Variants in WNK2 observed in about 807,000 individuals in gnomAD.
WNK2 encodes serine/threonine-protein kinase WNK2.
Under a neutral mutation model 192.1 loss-of-function variants are expected in WNK2, and 67 were observed. The ratio of observed to expected loss-of-function variants is 0.35; its 90% CI spans 0.29 to 0.43. The LOEUF (loss-of-function observed/expected upper bound fraction) is 0.43. WNK2 is among the 20% of genes least tolerant of loss of function. The probability of loss-of-function intolerance (pLI) is 1.00; values close to 1 mark genes in which losing one functional copy is unlikely to be tolerated. For synonymous variants in WNK2, 1,439 were observed against 1,393.9 expected (o/e 1.03, Z -0.72); for missense variants, 2,698 against 3,089.7 (o/e 0.87, Z 3.01).
chr9:93,259,335 T>A lies in WNK2; in HGVS notation c.2787T>A (p.His929Gln). The change falls in exon 12 of 30, where the codon CAT becomes CAA. Residue 929 changes from histidine to glutamine, a missense_variant. Physicochemically the swap from His to Gln is conservative, Grantham distance 24 (BLOSUM62 0). This residue lies in a region of WNK2 where 893 missense variants were observed against 909.0 expected (regional missense o/e 0.98). Coordinates refer to ENST00000427277, the MANE Select transcript of WNK2 (RefSeq NM_006648.4). This position sits in a 1 kb window ranked among gnomAD's most constrained non-coding sequence, Gnocchi z 4.8. ...MAPTDVPPSP[H>Q]HTVQNMRATP... ...CTACTGACGTCCCTCCTTCCCCCCA[T>A]CACACGGTGCAGAATATGAGGGCCA... 6.2e-7 allele frequency: 1 copy of A among 1,605,152 alleles called. No homozygotes were observed. The highest frequency in any genetic ancestry group is 1.1e-5 in the South Asian group (1 of 90,654).
chr9:93,273,952 T>G (rs1171328916), intron 19 of WNK2, among the ~76,000 whole-genome samples: 2 of 152,138 alleles, frequency 1.3e-5, no homozygotes, highest in Admixed American at 1.3e-4. Context: ...GTTAAAGCAG[T>G]ACTTAGAGGG....
chr9:93,290,067 C>A lies in WNK2; in HGVS notation c.4936+20C>A, dbSNP rs1201479991. On this transcript the variant is annotated intron_variant, in intron 21 of 29. Coordinates refer to ENST00000427277, the MANE Select transcript of WNK2 (RefSeq NM_006648.4). Reference sequence around the variant, plus strand: ...TGACAGGTAACAGCTTCCTGCTGAACCCTGCGTTCACAAGGTGCTGCCTGG... The same window carrying A: ...TGACAGGTAACAGCTTCCTGCTGAAACCTGCGTTCACAAGGTGCTGCCTGG... 1 of 1,554,744 alleles carries A rather than the reference C, an allele frequency of 6.4e-7. No individual in the cohort carries two copies. Among genetic ancestry groups the A allele is most frequent in the Admixed American group, 1.9e-5 (1 of 51,730 alleles).
At chr9:93,243,702 G>A (rs1468487079) in intron 7 of WNK2, among the ~76,000 whole-genome samples, 1 of 152,202 alleles carries the variant, frequency 6.6e-6, no homozygotes, top group East Asian at 1.9e-4. Flanking sequence ...GCCCCGGCAG[G>A]TTGACGCTGG....
intron 2 of WNK2, among the ~76,000 whole-genome samples, chr9:93,194,023 A>G (rs1396467343): frequency 6.6e-6 from 1 of 152,224 alleles, no homozygotes; most frequent in Non-Finnish European, 1.5e-5. Flanking sequence ...CATCTTTTCA[A>G]CAAATGGCGC....
intron 2 of WNK2, among the ~76,000 whole-genome samples, chr9:93,185,895 G>A (rs1242313888): frequency 6.6e-6 from 1 of 152,238 alleles, no homozygotes; most frequent in Non-Finnish European, 1.5e-5. Context: ...TGGGCGTAGA[G>A]AGGGTCCTGG....
chr9:93,285,234 A>C (rs1048716078), intron 19 of WNK2, among the ~76,000 whole-genome samples: 2 of 152,196 alleles, frequency 1.3e-5, no homozygotes, highest in African/African-American at 4.8e-5. Context: ...TAACACTATA[A>C]TTTTATCATT....
chr9:93,265,110 A>C (rs571953359), intron 16 of WNK2, among the ~76,000 whole-genome samples: 26 of 152,348 alleles, frequency 1.7e-4, no homozygotes, highest in Middle Eastern at 6.8e-3. Flanking sequence ...CCAGAGCATA[A>C]TCCCCCGCAG....
intron 18 of WNK2, 84 bp downstream of exon 18, chr9:93,268,149 T>A: frequency 6.6e-7 from 1 of 1,524,250 alleles, no homozygotes; most frequent in South Asian, 1.2e-5. Context: ...GTTTGGCCAT[T>A]GCTTGGGGGG....
intron 5 of WNK2, among the ~76,000 whole-genome samples, chr9:93,236,795 GT>G (rs1357555846): frequency 6.6e-6 from 1 of 152,274 alleles, no homozygotes; most frequent in Non-Finnish European, 1.5e-5. Context: ...CAAGGAGGAG[GT>G]GTGGGGAGGA....
intron 21 of WNK2, among the ~76,000 whole-genome samples, chr9:93,292,000 C>T (rs1242716001): frequency 6.6e-6 from 1 of 152,230 alleles, no homozygotes; most frequent in Non-Finnish European, 1.5e-5. Flanking sequence ...CCTTCAGGTG[C>T]TCAGAGAAGG....
At chr9:93,278,326 G>A (rs1369904971) in intron 19 of WNK2, among the ~76,000 whole-genome samples, 10 of 152,130 alleles carry the variant, frequency 6.6e-5, no homozygotes, top group Admixed American at 3.9e-4. Flanking sequence ...GGATGATTTC[G>A]CAGAGCACTG....
chr9:93,257,203 A>T lies in WNK2; in HGVS notation c.2382+64A>T. ...CGCTTTGCCAGGCCCTGGCTGGTGC[A>T]CTAGGACACCCACAGAGGGGGTTGT... On this transcript the variant is annotated intron_variant, in intron 11 of 29. Coordinates refer to ENST00000427277, the MANE Select transcript of WNK2 (RefSeq NM_006648.4). This position sits in a 1 kb window ranked among gnomAD's most constrained non-coding sequence, Gnocchi z 4.7. 6.6e-7 allele frequency: 1 copy of T among 1,522,504 alleles called. No homozygotes were observed. The highest frequency in any genetic ancestry group is 8.8e-7 in the Non-Finnish European group (1 of 1,130,422). 94.3% of individuals were successfully genotyped at this position (1,522,504 alleles called of 1,614,324 possible).
At chr9:93,232,381 G>A (rs562603463) in intron 4 of WNK2, among the ~76,000 whole-genome samples, 72 of 152,114 alleles carry the variant, frequency 4.7e-4, no homozygotes, top group African/African-American at 1.6e-3. Context: ...TGGGTATATA[G>A]GTGAGGGTCT....
At chr9:93,319,358 G>C in intron 29 of WNK2, 1 of 1,383,668 alleles carries the variant, frequency 7.2e-7, no homozygotes, top group Non-Finnish European at 9.4e-7. Context: ...CGGGTGCTGG[G>C]CTGGGCTGTC....
chr9:93,242,879 G>A (rs1841019936), intron 7 of WNK2, among the ~76,000 whole-genome samples: 1 of 152,228 alleles, frequency 6.6e-6, no homozygotes, highest in South Asian at 2.1e-4. Context: ...GGATGACCTG[G>A]TTTTGATGTG....
intron 2 of WNK2, among the ~76,000 whole-genome samples, chr9:93,220,278 T>G (rs1836608697): frequency 6.6e-6 from 1 of 152,170 alleles, no homozygotes; most frequent in South Asian, 2.1e-4. Flanking sequence ...AGGGTTAGTG[T>G]CTGAGCCTAG....
At chr9:93,302,427 GGCAGCCGGC>G (rs910149101) in intron 26 of WNK2, among the ~76,000 whole-genome samples, 1 of 152,158 alleles carries the variant, frequency 6.6e-6, no homozygotes, top group Non-Finnish European at 1.5e-5. Flanking sequence ...GCTAGTGGGG[GGCAGCCGGC>G]GCAGCCAGCC....
At chr9:93,318,079 A>G (rs1005406961) in intron 29 of WNK2, 28 of 1,606,910 alleles carry the variant, frequency 1.7e-5, no homozygotes, top group Non-Finnish European at 2.3e-5. Context: ...ACTTGAGTTG[A>G]TGGTTAGAAC....
At chr9:93,311,808 C>T (rs931631149) in intron 28 of WNK2, among the ~76,000 whole-genome samples, 3 of 151,990 alleles carry the variant, frequency 2.0e-5, no homozygotes, top group Non-Finnish European at 2.9e-5. Flanking sequence ...TTAGTAGAGA[C>T]GGGGTTTCAC....
Sources: allele counts gnomAD v4.1 joint callset (sites outside exome capture counted in the v4.1 genomes callset), GRCh38; gene constraint gnomAD v4.1.1; regional missense constraint gnomAD v4.1.1; non-coding constraint Gnocchi (gnomAD v3.1); transcripts MANE v1.5; gene names NCBI Gene and HGNC (gene_info 2026-07-23, HGNC 2026-07-21).